Variants in MDFIC observed in about 807,000 individuals in gnomAD.
MDFIC encodes the protein myoD family inhibitor domain-containing protein.
MDFIC carries 17 observed loss-of-function variants against 23.2 expected under a neutral mutation model. The ratio of observed to expected loss-of-function variants is 0.73; its 90% confidence interval spans 0.50 to 1.10. The LOEUF (loss-of-function observed/expected upper bound fraction) is 1.10, where lower values mean the gene tolerates loss of function less well. Ranked by LOEUF, MDFIC falls within the 50% of genes least tolerant of loss-of-function variation. The probability of loss-of-function intolerance (pLI) is 0.00; values close to 1 mark genes in which losing one functional copy is unlikely to be tolerated. For synonymous variants in MDFIC, 120 were observed against 115.2 expected (o/e 1.04, Z -0.27); for missense variants, 356 against 316.6 (o/e 1.12, Z -0.95).
At chr7:114,994,368 A>G (rs1237932836) in intron 4 of MDFIC, among the ~76,000 whole-genome samples, 1 of 152,110 alleles carries the variant, frequency 6.6e-6, no homozygotes, top group Non-Finnish European at 1.5e-5. Context: ...TAATATTGTT[A>G]TGTGTGAATT....
rs1375156571 is a variant in MDFIC, at chr7:114,951,982, G to T, written c.217+9585G>T. ...GCAAAGCATTAAGCCAGGCACGGGGGTCCTTCTAAGTGCTGGGCTTGCCAC... is the reference window on the plus strand; with the variant it reads ...GCAAAGCATTAAGCCAGGCACGGGGTTCCTTCTAAGTGCTGGGCTTGCCAC... On this transcript the variant is annotated intron_variant, in intron 3 of 4. Coordinates refer to ENST00000393486, the MANE Select transcript of MDFIC (RefSeq NM_001166345.3). 2.6e-5 allele frequency among the ~76,000 whole-genome samples: 4 copies of T among 152,172 alleles called. No individual in the cohort carries two copies. The East Asian group carries it at 7.7e-4, about 29-fold the overall frequency.
chr7:114,948,679 T>C (rs1792699974), intron 3 of MDFIC, among the ~76,000 whole-genome samples: 1 of 152,160 alleles, frequency 6.6e-6, no homozygotes, highest in Admixed American at 6.6e-5. Flanking sequence ...CAGATGTGTG[T>C]AATCCTACTG....
intron 4 of MDFIC, among the ~76,000 whole-genome samples, chr7:115,007,056 T>C (rs1383069806): frequency 6.6e-6 from 1 of 152,230 alleles, no homozygotes. Flanking sequence ...GGCAGACTTA[T>C]GCTTCACTCC....
intron 2 of MDFIC, among the ~76,000 whole-genome samples, chr7:114,936,512 C>A (rs1792426775): frequency 6.6e-6 from 1 of 151,818 alleles, no homozygotes; most frequent in Non-Finnish European, 1.5e-5. Flanking sequence ...CTACAAAGGG[C>A]AGAACTAAGA....
At chr7:114,929,075 A>C (rs373502137) in intron 2 of MDFIC, among the ~76,000 whole-genome samples, 3 of 7,254 alleles carry the variant, frequency 4.1e-4, no homozygotes, top group Non-Finnish European at 9.2e-4. Flanking sequence ...AGATCTATAG[A>C]TAAATATAGA....
chr7:114,922,563 C>T lies in MDFIC; in HGVS notation c.-181C>T. The T allele has an allele frequency of 1.6e-6, 2 of 1,267,928 alleles. No individual in the cohort carries two copies. The highest frequency in any genetic ancestry group is 3.0e-5 in the East Asian group (1 of 32,922). The allele number at this position is 1,267,928 out of a possible 1,614,324, so 78.5% of individuals were successfully genotyped here. ...GAAAATGCGGCCGCTGCCGGAGGCT[C>T]GCTAACTTTCCGGGGCGGAAGAGGA... On this transcript the variant is annotated 5_prime_UTR_variant, in exon 1 of 5. Coordinates refer to ENST00000393486, the MANE Select transcript of MDFIC (RefSeq NM_001166345.3).
Position 114,939,685 on chromosome 7 carries a change from C to G in MDFIC, c.95-2590C>G, listed in dbSNP as rs149351252. Among the ~76,000 whole-genome samples, 35 of 152,222 alleles carry G rather than the reference C, an allele frequency of 2.3e-4. 2 individuals are homozygous for G. The East Asian group carries it at 6.4e-3, about 28-fold the overall frequency. The stretch of plus-strand genomic sequence containing the variant: ...GAGTTGAGAGGGTCTGTGTTTAGCA[C>G]TCGAATATTGGACATGATTCAAATA... On this transcript the variant is annotated intron_variant, in intron 2 of 4. Coordinates refer to ENST00000393486, the MANE Select transcript of MDFIC (RefSeq NM_001166345.3).
Position 115,015,986 on chromosome 7 carries a change from T to G in MDFIC, c.*51T>G. 6.4e-7 allele frequency: 1 copy of G among 1,551,724 alleles called. No individual in the cohort carries two copies. The highest frequency in any genetic ancestry group is 8.7e-7 in the Non-Finnish European group (1 of 1,146,418). On this transcript the variant is annotated 3_prime_UTR_variant, in exon 5 of 5. Coordinates refer to ENST00000393486, the MANE Select transcript of MDFIC (RefSeq NM_001166345.3). Reference sequence around the variant, plus strand: ...ACTGGAGAGTGTTTAAAAATTTCCTTTTGGGGGGAAGAAAAGCACATTGTA... The same window carrying G: ...ACTGGAGAGTGTTTAAAAATTTCCTGTTGGGGGGAAGAAAAGCACATTGTA...
chr7:114,964,514 TCCTTCCCTTCACTTCCCTTC>T (rs1793057657), intron 3 of MDFIC, among the ~76,000 whole-genome samples: 1 of 143,328 alleles, frequency 7.0e-6, no homozygotes, highest in Admixed American at 7.0e-5. Flanking sequence ...CCCTTCCCTT[TCCTTCCCTTCACTTCCCTTC>T]CCTTCCCTTC....
intron 3 of MDFIC, among the ~76,000 whole-genome samples, chr7:114,944,986 G>A (rs138241716): frequency 6.6e-6 from 1 of 152,334 alleles, no homozygotes; most frequent in East Asian, 1.9e-4. Flanking sequence ...GAAAAATGAG[G>A]CTGGCTGGGG....
chr7:114,992,478 C>T (rs1220411494), intron 4 of MDFIC, among the ~76,000 whole-genome samples: 1 of 152,124 alleles, frequency 6.6e-6, no homozygotes, highest in Non-Finnish European at 1.5e-5. Flanking sequence ...ATGATATTGG[C>T]TGTGGGTTTG....
Position 115,015,789 on chromosome 7 carries a change from G to A in MDFIC, c.595G>A (p.Ala199Thr), listed in dbSNP as rs1791783280. The A allele has an allele frequency of 1.9e-6, 3 of 1,614,198 alleles. No individual in the cohort carries two copies. Among genetic ancestry groups the A allele is most frequent in the South Asian group, 2.2e-5 (2 of 91,078 alleles). The stretch of plus-strand genomic sequence containing the variant: ...GTCATGTGGCATCTGCACCTCAGAA[G>A]CCTGCTGCTGTTGCTGTGGTGACGA... The part of the protein sequence containing the change: ...QASCGICTSE[A>T]CCCCCGDEMG... Residue 199 changes from alanine to threonine, a missense_variant, in exon 5 of 5, where the codon GCC (alanine) becomes ACC (threonine). Transcript: ENST00000393486.
At chr7:114,974,351 A>G (rs1793266065) in intron 3 of MDFIC, among the ~76,000 whole-genome samples, 1 of 151,990 alleles carries the variant, frequency 6.6e-6, no homozygotes, top group South Asian at 2.1e-4. Flanking sequence ...CATTGTGACC[A>G]TGGAGTAGCA....
chr7:114,993,044 A>G (rs865927121), intron 4 of MDFIC, among the ~76,000 whole-genome samples: 62 of 152,174 alleles, frequency 4.1e-4, no homozygotes, highest in African/African-American at 1.4e-3. Flanking sequence ...TTATTGGTCT[A>G]TTCAGGGATT....
At chr7:114,953,101 G>A (rs1325173527) in intron 3 of MDFIC, among the ~76,000 whole-genome samples, 1 of 152,120 alleles carries the variant, frequency 6.6e-6, no homozygotes, top group Non-Finnish European at 1.5e-5. Context: ...ACAGAACATG[G>A]AAGATTAAAC....
chr7:115,012,574 T>C (rs1791701852), intron 4 of MDFIC, among the ~76,000 whole-genome samples: 1 of 152,218 alleles, frequency 6.6e-6, no homozygotes, highest in Non-Finnish European at 1.5e-5. Context: ...TACTGCTGGT[T>C]ACTTAGCATG....
intron 3 of MDFIC, among the ~76,000 whole-genome samples, chr7:114,962,951 G>T (rs1793024310): frequency 6.6e-6 from 1 of 152,154 alleles, no homozygotes; most frequent in Non-Finnish European, 1.5e-5. Context: ...TCAGAGAAAT[G>T]AATGTATGTG....
chr7:114,967,890 A>G (rs1413834737), intron 3 of MDFIC, among the ~76,000 whole-genome samples: 1 of 140,116 alleles, frequency 7.1e-6, no homozygotes, highest in African/African-American at 2.7e-5. Context: ...CTGGAGTGGT[A>G]TAATCTCAGC....
chr7:114,998,422 G>T (rs765591146), intron 4 of MDFIC, among the ~76,000 whole-genome samples: 18 of 152,048 alleles, frequency 1.2e-4, no homozygotes, highest in Non-Finnish European at 2.5e-4. Flanking sequence ...AAAATGAGTT[G>T]CATTGTTGAG....
Sources: gnomAD v4.1 joint callset for allele counts (sites outside exome capture counted in the v4.1 genomes callset) on GRCh38, gnomAD v4.1.1 for gene constraint, MANE v1.5 for transcripts, NCBI Gene and HGNC (gene_info 2026-07-23, HGNC 2026-07-21) for gene names.